Variants in CACNA1C observed in about 807,000 individuals in gnomAD.
CACNA1C encodes calcium voltage-gated channel subunit alpha1 C.
A neutral mutation model predicts 229.0 loss-of-function variants in CACNA1C; 30 were observed. The ratio of observed to expected loss-of-function variants is 0.13; its 90% CI spans 0.10 to 0.18. The LOEUF (loss-of-function observed/expected upper bound fraction) is 0.18. Among genes scored for constraint, CACNA1C ranks in the 10% least tolerant of loss-of-function variants. The probability of loss-of-function intolerance (pLI) is 1.00; values close to 1 mark genes in which losing one functional copy is unlikely to be tolerated. For synonymous variants in CACNA1C, 1,114 were observed against 1,132.5 expected (o/e 0.98, Z 0.33); for missense variants, 1,658 against 2,845.0 (o/e 0.58, Z 9.49).
chr12:2,659,254 TTTTTTACTGTTCCTA>T (rs1393035137), intron 34 of CACNA1C, among the ~76,000 whole-genome samples: 1 of 152,216 alleles, frequency 6.6e-6, no homozygotes, highest in African/African-American at 2.4e-5. Context: ...TTACTGTTCC[TTTTTTACTGTTCCTA>T]TTTTTACTGT....
intron 11 of CACNA1C, among the ~76,000 whole-genome samples, chr12:2,561,219 G>A (rs534963440): frequency 6.6e-6 from 1 of 152,316 alleles, no homozygotes; most frequent in South Asian, 2.1e-4. Context: ...CCGCGGAGAG[G>A]CAGGAACCAT....
At chr12:2,225,721 C>T (rs563933321) in intron 3 of CACNA1C, among the ~76,000 whole-genome samples, 12 of 152,280 alleles carry the variant, frequency 7.9e-5, no homozygotes, top group African/African-American at 2.4e-4. Context: ...AAGGTCTATG[C>T]TTTAGAGAGG....
In CACNA1C at chr12:2,575,536, C is replaced by T. The variant is rs956451; in HGVS notation, c.1896-6054C>T. On this transcript the variant is annotated intron_variant, in intron 13 of 46. Coordinates refer to ENST00000399655, the MANE Select transcript of CACNA1C (RefSeq NM_000719.7). This position sits in a 1 kb window ranked among gnomAD's most constrained non-coding sequence, Gnocchi z 4.0. ...GCCTCAGCCAATTCTCACTCCTCTT[C>T]ACTCCATTGCCTCCCATGAAGCCCC... 0.073 allele frequency among the ~76,000 whole-genome samples: 11,167 copies of T among 152,248 alleles called. 550 individuals are homozygous for T. Among genetic ancestry groups the T allele is most frequent in the Non-Finnish European group, 0.11 (7,311 of 68,010 alleles).
At chr12:2,042,130 A>C (rs1222327154) in intron 1 of CACNA1C, among the ~76,000 whole-genome samples, 2 of 152,244 alleles carry the variant, frequency 1.3e-5, no homozygotes, top group Non-Finnish European at 2.9e-5. Context: ...ATTCAAAGAT[A>C]TATAAAAGCC....
At chr12:2,157,963 GA>G (rs2095637076) in intron 3 of CACNA1C, among the ~76,000 whole-genome samples, 1 of 152,194 alleles carries the variant, frequency 6.6e-6, no homozygotes, top group Admixed American at 6.5e-5. Context: ...TGAGTGCTAT[GA>G]ATGGTTAGAA....
chr12:2,183,100 T>G (rs1009137194), intron 3 of CACNA1C, among the ~76,000 whole-genome samples: 5 of 152,338 alleles, frequency 3.3e-5, no homozygotes, highest in African/African-American at 1.2e-4. Flanking sequence ...CTCCGACTCC[T>G]GGCCTCAAAC....
chr12:2,656,272 G>A (rs2095416377), intron 34 of CACNA1C, among the ~76,000 whole-genome samples: 1 of 152,148 alleles, frequency 6.6e-6, no homozygotes, highest in Admixed American at 6.5e-5. Flanking sequence ...CCACAAAAAT[G>A]AGTAGCATTT....
intron 3 of CACNA1C, among the ~76,000 whole-genome samples, chr12:2,163,690 C>G (rs1463322570): frequency 1.3e-5 from 2 of 152,150 alleles, no homozygotes; most frequent in East Asian, 3.9e-4. Flanking sequence ...TGAGTCAGGC[C>G]CTCCTCCCCC....
chr12:2,148,659 C>T (rs2094947005), intron 3 of CACNA1C, among the ~76,000 whole-genome samples: 1 of 151,182 alleles, frequency 6.6e-6, no homozygotes, highest in Non-Finnish European at 1.5e-5. Context: ...GCGATCTTCC[C>T]ACCTCAGCCT....
chr12:2,677,319 C>A lies in CACNA1C; in HGVS notation c.4956+98C>A. 7.4e-7 allele frequency: 1 copy of A among 1,346,200 alleles called. No homozygotes were observed. The highest frequency in any genetic ancestry group is 1.0e-6 in the Non-Finnish European group (1 of 986,874). The allele number at this position is 1,346,200 out of a possible 1,614,324, so 83.4% of individuals were successfully genotyped here. On this transcript the variant is annotated intron_variant, in intron 40 of 46. Transcript: ENST00000399655. The surrounding 1 kb of genome is among the most constrained non-coding windows in gnomAD (Gnocchi z 7.4). ...GGTCCCTCCCCAGCAGGCTGGAGGC[C>A]AGGTCCCTGCAGAGGGAACCTTTCA...
chr12:2,515,488 C>A (rs898362351), intron 9 of CACNA1C, among the ~76,000 whole-genome samples: 1 of 152,232 alleles, frequency 6.6e-6, no homozygotes, highest in African/African-American at 2.4e-5. Flanking sequence ...ACCGTAATAT[C>A]TTAGCCTTTG....
At chr12:2,529,744 G>T (rs533751999) in intron 9 of CACNA1C, among the ~76,000 whole-genome samples, 1 of 152,326 alleles carries the variant, frequency 6.6e-6, no homozygotes, top group African/African-American at 2.4e-5. Flanking sequence ...ATCCCATGAT[G>T]TTTTTCTTCA....
chr12:2,471,832 T>C (rs10848662), intron 5 of CACNA1C, among the ~76,000 whole-genome samples: 112,721 of 152,160 alleles, frequency 0.74, 42,336 homozygotes, highest in East Asian at 0.88. Flanking sequence ...AGGCACCTGC[T>C]ACCACACCTG....
intron 3 of CACNA1C, among the ~76,000 whole-genome samples, chr12:2,363,498 G>A (rs1048638273): frequency 1.3e-5 from 2 of 152,222 alleles, no homozygotes; most frequent in African/African-American, 4.8e-5. Flanking sequence ...GGCGCTGTTT[G>A]CAGATGTCTT....
chr12:2,319,715 T>G lies in CACNA1C; in HGVS notation c.478-129261T>G, dbSNP rs1019704383. Reference sequence around the variant, plus strand: ...TTTGATCTGGGGTGTCTGCAAATGTTGGTGCTCACGGGGGTGTGCTGGGCC... The same window carrying G: ...TTTGATCTGGGGTGTCTGCAAATGTGGGTGCTCACGGGGGTGTGCTGGGCC... On this transcript the variant is annotated intron_variant, in intron 3 of 46. Transcript: ENST00000399655. The surrounding 1 kb of genome is among the most constrained non-coding windows in gnomAD (Gnocchi z 4.0). Among the ~76,000 whole-genome samples the G allele has an allele frequency of 6.6e-6, 1 of 152,160 alleles. No homozygotes were observed. The highest frequency in any genetic ancestry group is 2.4e-5 in the African/African-American group (1 of 41,430).
intron 11 of CACNA1C, among the ~76,000 whole-genome samples, chr12:2,561,163 A>G (rs2047274367): frequency 6.6e-6 from 1 of 152,154 alleles, no homozygotes; most frequent in South Asian, 2.1e-4. Flanking sequence ...TGGGTCTGTA[A>G]CCAAGTGTAA....
chr12:2,316,286 G>T (rs112003768), intron 3 of CACNA1C, among the ~76,000 whole-genome samples: 14 of 152,340 alleles, frequency 9.2e-5, no homozygotes, highest in African/African-American at 3.1e-4. Flanking sequence ...GTTTCTGTGA[G>T]ACCTTGGTTT....
chr12:2,600,295 T>C (rs2071265761), intron 21 of CACNA1C, among the ~76,000 whole-genome samples: 1 of 152,172 alleles, frequency 6.6e-6, no homozygotes, highest in African/African-American at 2.4e-5. Flanking sequence ...ATCTACCCAC[T>C]TCTAAAAACC....
intron 3 of CACNA1C, among the ~76,000 whole-genome samples, chr12:2,377,149 A>T (rs1470991610): frequency 2.0e-5 from 3 of 152,124 alleles, no homozygotes; most frequent in Non-Finnish European, 4.4e-5. Context: ...CAACAAAAGG[A>T]GAAATTAAAT....
Sources: allele counts gnomAD v4.1 joint callset (sites outside exome capture counted in the v4.1 genomes callset), GRCh38; gene constraint gnomAD v4.1.1; non-coding constraint Gnocchi (gnomAD v3.1); transcripts MANE v1.5; gene names NCBI Gene and HGNC (gene_info 2026-07-23, HGNC 2026-07-21).